The following IFT172 variants were observed in gnomAD, a reference collection of about 807,000 sequenced individuals.
IFT172 encodes intraflagellar transport 172.
IFT172 carries 164 observed loss-of-function variants against 248.9 expected under a neutral mutation model. That is an observed-to-expected ratio of 0.66 (90% CI 0.58 to 0.75). IFT172 has a LOEUF of 0.75. IFT172 is among the 30% of genes least tolerant of loss of function. IFT172 has a pLI of 0.00. For synonymous variants in IFT172, 729 were observed against 791.6 expected (o/e 0.92, Z 1.33); for missense variants, 1,950 against 2,192.4 (o/e 0.89, Z 2.21).
chr2:27,455,712 GA>G (rs796604711), intron 30 of IFT172: 12 of 339,672 alleles, frequency 3.5e-5, no homozygotes, highest in Admixed American at 8.0e-5. Context: ...CTCTGTCTCA[GA>G]AAAAAAACAA....
At chr2:27,481,388 T>A (rs1450855581) in intron 7 of IFT172, 128 bp from the exon 8 acceptor site, 9 of 668,010 alleles carry the variant, frequency 1.3e-5, no homozygotes, top group Non-Finnish European at 1.6e-5. Context: ...CATTTCCCTA[T>A]CCCAACACAT....
Position 27,472,256 on chromosome 2 carries a change from T to C in IFT172, c.1518A>G (p.Lys506=). The part of the protein sequence containing the change: ...TGHKLLFRDR[K]LRLHLYDIES... ...CCTTAGTAGCTCTTCTCACACGAAG[T>C]TTCCGGTCCCTGAAGAGGAGCTTGT... Residue 506 remains lysine (K), a synonymous_variant, in exon 15 of 48, where the codon AAA becomes AAG. Transcript: ENST00000260570. 1 of 1,613,508 alleles carries C rather than the reference T, an allele frequency of 6.2e-7. No homozygotes were observed. Among genetic ancestry groups the C allele is most frequent in the South Asian group, 1.1e-5 (1 of 91,078 alleles).
In IFT172 at chr2:27,445,274, G is replaced by A; in HGVS notation, c.5068+22C>T. 1.2e-6 allele frequency: 2 copies of A among 1,601,282 alleles called. No homozygotes were observed. The highest frequency in any genetic ancestry group is 1.7e-6 in the Non-Finnish European group (2 of 1,172,134). On this transcript the variant is annotated intron_variant, in intron 46 of 47. Coordinates refer to ENST00000260570, the MANE Select transcript of IFT172 (RefSeq NM_015662.3). The surrounding 1 kb of genome is among the most constrained non-coding windows in gnomAD (Gnocchi z 4.4). ...CTGCTTTCTACCCACCACAGGATCT[G>A]GGGTGCTGTAGGCTTCTATACCTGT...
At chr2:27,470,215 G>C (rs1158088923) in intron 16 of IFT172, among the ~76,000 whole-genome samples, 2 of 151,618 alleles carry the variant, frequency 1.3e-5, no homozygotes, top group Non-Finnish European at 2.9e-5. Context: ...CTGCACTCCA[G>C]CCTGGGAGAT....
At chr2:27,464,280 T>G (rs1666908830) in intron 18 of IFT172, among the ~76,000 whole-genome samples, 1 of 152,222 alleles carries the variant, frequency 6.6e-6, no homozygotes, top group Non-Finnish European at 1.5e-5. Flanking sequence ...TTTGCACAGA[T>G]TCTCTCATCA....
In IFT172 at chr2:27,477,614, T is replaced by G. The variant is rs1393157434; in HGVS notation, c.1168-2A>C. 1 of 1,603,096 alleles carries G rather than the reference T, an allele frequency of 6.2e-7. No individual in the cohort carries two copies. Among genetic ancestry groups the G allele is most frequent in the Admixed American group, 1.7e-5 (1 of 59,992 alleles). ...GCCACCAGATCCTTGCCAGGCTATC[T>G]GTAACGGGAGAAGACTTAAGAAGCA... On this transcript the variant is annotated splice_acceptor_variant, in intron 11 of 47. Coordinates refer to ENST00000260570, the MANE Select transcript of IFT172 (RefSeq NM_015662.3). LOFTEE classifies it high-confidence loss of function.
At chr2:27,482,446 C>T (rs2148553905) in intron 7 of IFT172, among the ~76,000 whole-genome samples, 1 of 152,186 alleles carries the variant, frequency 6.6e-6, no homozygotes, top group Non-Finnish European at 1.5e-5. Flanking sequence ...GCATGTGCCA[C>T]CACGCCCAGC....
chr2:27,473,095 G>T (rs1667694972), intron 14 of IFT172, among the ~76,000 whole-genome samples: 1 of 151,940 alleles, frequency 6.6e-6, no homozygotes, highest in Non-Finnish European at 1.5e-5. Context: ...GGCAGGGCAT[G>T]GTGGCTCATG....
intron 36 of IFT172, 25 bp from the exon 37 acceptor site, chr2:27,449,825 A>G (rs1357884436): frequency 1.1e-5 from 17 of 1,561,862 alleles, no homozygotes; most frequent in Non-Finnish European, 1.4e-5. Context: ...ATCAGCGTGG[A>G]GACTTTCTCC....
rs1197078794 is a variant in IFT172 at position 27,465,798 on chromosome 2, C to G, written c.1777G>C (p.Asp593His). 1 of 1,614,146 alleles carries G rather than the reference C, an allele frequency of 6.2e-7. No individual in the cohort carries two copies. Residue 593 changes from aspartate to histidine, a missense_variant, in exon 17 of 48, where the codon GAT (aspartate) becomes CAT (histidine). Physicochemically the swap from Asp to His is moderately conservative, Grantham distance 81 (BLOSUM62 -1). Coordinates refer to ENST00000260570, the MANE Select transcript of IFT172 (RefSeq NM_015662.3). Reference sequence around the variant, plus strand: ...GTTCCAAACTCGATGAGGCCCTCATCCAATGTGTAGGCAACAGTAGTCACA... The same window carrying G: ...GTTCCAAACTCGATGAGGCCCTCATGCAATGTGTAGGCAACAGTAGTCACA... Reference protein sequence around the residue: ...EGVTTVAYTLDEGLIEFGTAI... With the variant: ...EGVTTVAYTLHEGLIEFGTAI...
At position 27,445,720 on chromosome 2, in the gene IFT172, C is replaced by T. The variant is rs371616045; in HGVS notation, c.4914+25G>A. On this transcript the variant is annotated intron_variant, in intron 45 of 47. Transcript: ENST00000260570. The surrounding 1 kb of genome is among the most constrained non-coding windows in gnomAD (Gnocchi z 4.4). Reference sequence around the variant, plus strand: ...AGGCACTCACACTGGTGAGGCCTTCCGGTTTTCCAACCCTGTGCCCTTACC... The same window carrying T: ...AGGCACTCACACTGGTGAGGCCTTCTGGTTTTCCAACCCTGTGCCCTTACC... The T allele has an allele frequency of 9.9e-6, 16 of 1,613,258 alleles. No individual in the cohort carries two copies. Among genetic ancestry groups the T allele is most frequent in the Admixed American group, 5.0e-5 (3 of 59,994 alleles).
chr2:27,485,112 T>C lies in IFT172; in HGVS notation c.202A>G (p.Met68Val), dbSNP rs1007588478. 5.6e-6 allele frequency: 9 copies of C among 1,602,476 alleles called. No homozygotes were observed. In the East Asian group the frequency reaches 1.8e-4, roughly 32 times the overall value. Residue 68 changes from methionine (M) to valine (V), a missense_variant, in exon 3 of 48, where the codon ATG (methionine) becomes GTG (valine). Met to Val is a conservative substitution (Grantham distance 21). This residue lies in a region of IFT172 where 1,166 missense variants were observed against 1,254.1 expected (regional missense o/e 0.93). Transcript: ENST00000260570. ...GGAGAAAAAGCCATGCCCTTCACCA[T>C]ATAGCTCTTCCTGCCATACTAAGAG... ...ADMKYGRKSYMVKGMAFSPDS... is the reference protein window; with the variant it reads ...ADMKYGRKSYVVKGMAFSPDS...
rs1668335618 is a variant in IFT172 at position 27,481,243 on chromosome 2, G to A, written c.588C>T (p.His196=). Residue 196 remains histidine (H), a synonymous_variant, in exon 8 of 48, where the codon CAC becomes CAT. Coordinates refer to ENST00000260570, the MANE Select transcript of IFT172 (RefSeq NM_015662.3). ...SGESQGKLVN[H]PCPPYALAWA... The stretch of plus-strand genomic sequence containing the variant: ...ATGCCAAGGCATAGGGTGGACACGG[G>A]TGGTTAACCAACTTCCCCTAAGACA... 4 of 1,611,850 alleles carry A rather than the reference G, an allele frequency of 2.5e-6. No homozygotes were observed. The highest frequency in any genetic ancestry group is 3.4e-6 in the Non-Finnish European group (4 of 1,179,814).
At chr2:27,484,096 G>T in intron 4 of IFT172, 131 bp downstream of exon 4, 1 of 1,376,582 alleles carries the variant, frequency 7.3e-7, no homozygotes, top group Non-Finnish European at 1.0e-6. Context: ...GAACAGCCAT[G>T]AAGCACCATC....
chr2:27,472,038 C>CAAAAA, intron 15 of IFT172: 1 of 502,330 alleles, frequency 2.0e-6, no homozygotes. Flanking sequence ...ACACTGTCTC[C>CAAAAA]AAAAAAAAAA....
chr2:27,477,506 G>T, intron 12 of IFT172, 53 bp downstream of exon 12: 1 of 1,358,390 alleles, frequency 7.4e-7, no homozygotes, highest in Non-Finnish European at 1.1e-6. Context: ...TTATGACACA[G>T]AAGCTAGAAG....
intron 16 of IFT172, chr2:27,466,084 T>C (rs1667071881): frequency 1.7e-6 from 1 of 605,872 alleles, no homozygotes; most frequent in Admixed American, 3.0e-5. Flanking sequence ...TATACTCCTA[T>C]GACAGCACCA....
chr2:27,481,140 T>C lies in IFT172; in HGVS notation c.691A>G (p.Thr231Ala). The C allele has an allele frequency of 6.2e-7, 1 of 1,613,860 alleles. No individual in the cohort carries two copies. The highest frequency in any genetic ancestry group is 8.5e-7 in the Non-Finnish European group (1 of 1,179,982). ...TGAGGGTCACGGCTATAATCAAAAG[T>C]TTGTAGCATGTGACCTTCTTTTCCA... ...AYGKEGHMLQ[T>A]FDYSRDPQER... Residue 231 changes from threonine (T) to alanine (A), a missense_variant, in exon 8 of 48, where the codon ACT (threonine) becomes GCT (alanine). By Grantham distance (58) the Thr-to-Ala change is moderately conservative. Around this residue, in one of 3 missense-constraint regions of IFT172, gnomAD observed 1,166 missense variants for 1,254.1 expected, o/e 0.93. Coordinates refer to ENST00000260570, the MANE Select transcript of IFT172 (RefSeq NM_015662.3).
Position 27,476,966 on chromosome 2 carries a change from G to A in IFT172, c.1326-240C>T, listed in dbSNP as rs949125874. 6 of 592,384 alleles carry A rather than the reference G, an allele frequency of 1.0e-5. No homozygotes were observed. In the Admixed American group the frequency reaches 1.9e-4, roughly 19 times the overall value. 36.7% of individuals were successfully genotyped at this position (592,384 alleles called of 1,614,324 possible). A position where few individuals can be genotyped will look rare whatever the true frequency, so the allele number is the denominator to read the frequency against. ...ACCTTCCTGAGTAACTGGGACTACA[G>A]GGGTGTGCCACCATGCCTGGATAAT... is the stretch of plus-strand genomic sequence containing the variant. On this transcript the variant is annotated intron_variant, in intron 13 of 47. Coordinates refer to ENST00000260570, the MANE Select transcript of IFT172 (RefSeq NM_015662.3).
Sources: gnomAD v4.1 joint callset for allele counts (sites outside exome capture counted in the v4.1 genomes callset) on GRCh38, gnomAD v4.1.1 for gene constraint, gnomAD v4.1.1 regional missense constraint, Gnocchi (gnomAD v3.1) non-coding constraint, MANE v1.5 for transcripts, NCBI Gene and HGNC (gene_info 2026-07-23, HGNC 2026-07-21) for gene names.